KANK4: variants seen among roughly 807,000 people sequenced by gnomAD.
KANK4 encodes the protein KN motif and ankyrin repeat domain-containing protein 4.
Under a neutral mutation model 80.8 loss-of-function variants are expected in KANK4, and 50 were observed. The observed-to-expected ratio is 0.62, with a 90% CI of 0.49 to 0.78. KANK4 has a LOEUF of 0.78. KANK4 is among the 30% of genes least tolerant of loss of function. The pLI is 0.00. For synonymous variants in KANK4, 465 were observed against 506.9 expected (o/e 0.92, Z 1.11); for missense variants, 1,196 against 1,240.1 (o/e 0.96, Z 0.53).
intron 9 of KANK4, among the ~76,000 whole-genome samples, chr1:62,241,338 G>T (rs1015387225): frequency 1.3e-5 from 2 of 152,162 alleles, no homozygotes; most frequent in Non-Finnish European, 2.9e-5. Flanking sequence ...AGATGGCTCG[G>T]GGGGAGGCAG....
chr1:62,300,108 C>T (rs909094906), intron 1 of KANK4, among the ~76,000 whole-genome samples: 2 of 152,090 alleles, frequency 1.3e-5, no homozygotes, highest in African/African-American at 4.8e-5. Flanking sequence ...TGCTGAAAGT[C>T]CCCCTCCAGG....
chr1:62,268,217 G>C (rs1158393598), intron 5 of KANK4, 70 bp downstream of exon 5: 2 of 1,204,792 alleles, frequency 1.7e-6, no homozygotes, highest in East Asian at 2.4e-5. Context: ...ATGATCGCAT[G>C]AACGGGTAGA....
At chr1:62,255,043 G>T (rs1021795055) in intron 7 of KANK4, among the ~76,000 whole-genome samples, 3 of 149,462 alleles carry the variant, frequency 2.0e-5, no homozygotes, top group African/African-American at 7.4e-5. Context: ...ACGCCACCAT[G>T]CCCGGCTAAT....
In KANK4 at chr1:62,275,258, A is replaced by G. The variant is rs2666508; in HGVS notation, c.17-171T>C. ...TGCTCAGTCTTTTTGGCTGTATTGG[A>G]AAATCATCTTATTAAATCAATGTGT... On this transcript the variant is annotated intron_variant, in intron 2 of 9. Coordinates refer to ENST00000371153, the MANE Select transcript of KANK4 (RefSeq NM_181712.5). Among the ~76,000 whole-genome samples, 115,142 of 152,164 alleles carry G rather than the reference A, an allele frequency of 0.76. 44,083 individuals are homozygous for G. The highest frequency in any genetic ancestry group is 0.86 in the African/African-American group (35,746 of 41,534).
intron 1 of KANK4, among the ~76,000 whole-genome samples, chr1:62,304,324 G>A (rs979461555): frequency 6.6e-6 from 1 of 151,992 alleles, no homozygotes; most frequent in Non-Finnish European, 1.5e-5. Flanking sequence ...GGAGTGCCAG[G>A]GAGCTGTGAC....
intron 9 of KANK4, among the ~76,000 whole-genome samples, chr1:62,245,071 C>A (rs999840588): frequency 1.3e-5 from 2 of 152,230 alleles, no homozygotes; most frequent in Admixed American, 6.5e-5. Flanking sequence ...GCCTGTCCCA[C>A]GGGCCTCCCA....
chr1:62,276,368 A>G (rs1477062786), intron 2 of KANK4, among the ~76,000 whole-genome samples: 1 of 152,208 alleles, frequency 6.6e-6, no homozygotes, highest in African/African-American at 2.4e-5. Context: ...AGAGGTTCAG[A>G]ATACAGATTC....
intron 2 of KANK4, 22 bp downstream of exon 2, chr1:62,281,527 C>T (rs1172957672): frequency 7.4e-6 from 12 of 1,613,992 alleles, no homozygotes; most frequent in Non-Finnish European, 1.0e-5. Flanking sequence ...TTAAACCAGG[C>T]CCTACAAAGC....
intron 1 of KANK4, among the ~76,000 whole-genome samples, chr1:62,295,975 C>T (rs2765268): frequency 0.72 from 109,243 of 152,124 alleles, 40,660 homozygotes; most frequent in African/African-American, 0.91. Context: ...AGTCCTTTAC[C>T]CATCCTTACT....
At position 62,268,490 on chromosome 1, in the gene KANK4, T is replaced by G; in HGVS notation, c.2028A>C (p.Ser676=). Residue 676 remains serine (S), a synonymous_variant, in exon 5 of 10, where the codon TCA becomes TCC. Transcript: ENST00000371153. The stretch of plus-strand genomic sequence containing the variant: ...TGTCCTCACCGCTGGTCTCCTCACT[T>G]GAGGTGGTCTCATACCTGGGGTAGA... The part of the protein sequence containing the change: ...VGVNGGYETT[S]SEETSGEDST... 2 of 1,613,624 alleles carry G rather than the reference T, an allele frequency of 1.2e-6. No individual in the cohort carries two copies. The highest frequency in any genetic ancestry group is 1.7e-6 in the Non-Finnish European group (2 of 1,179,928).
Position 62,253,162 on chromosome 1 carries a change from T to C in KANK4, c.2587A>G (p.Met863Val), listed in dbSNP as rs755326990. 7 of 1,613,314 alleles carry C rather than the reference T, an allele frequency of 4.3e-6. No homozygotes were observed. Among genetic ancestry groups the C allele is most frequent in the Admixed American group, 3.3e-5 (2 of 59,946 alleles). ...TCTGCGGAAGCCAAGGGAGTGATCA[T>C]TACGGCAGTGTAGCCAGCTTTGTTC... The part of the protein sequence containing the change: ...HQNKAGYTAV[M>V]ITPLASAETN... The change falls in exon 8 of 10, where the codon ATG (methionine) becomes GTG (valine). Residue 863 changes from methionine to valine, a missense_variant. Transcript: ENST00000371153.
At chr1:62,253,320 A>C in intron 7 of KANK4, 111 bp from the exon 8 acceptor site, 1 of 948,880 alleles carries the variant, frequency 1.1e-6, no homozygotes, top group Non-Finnish European at 1.5e-6. Context: ...CATGGACTAG[A>C]GCAATGCTTT....
intron 2 of KANK4, among the ~76,000 whole-genome samples, chr1:62,280,038 G>T (rs889170105): frequency 1.3e-5 from 2 of 152,178 alleles, no homozygotes; most frequent in Admixed American, 6.5e-5. Flanking sequence ...TATCTGAAGG[G>T]ACAAGTGAAG....
intron 2 of KANK4, among the ~76,000 whole-genome samples, chr1:62,280,661 G>T (rs925705394): frequency 6.6e-6 from 1 of 152,152 alleles, no homozygotes; most frequent in Non-Finnish European, 1.5e-5. Context: ...GTGGCCTTCT[G>T]CAAGTTTCCT....
At chr1:62,264,135 C>T (rs749083938) in intron 6 of KANK4, among the ~76,000 whole-genome samples, 5 of 152,180 alleles carry the variant, frequency 3.3e-5, no homozygotes, top group Non-Finnish European at 5.9e-5. Context: ...ATCCCTGGCT[C>T]GGCCGGGCGC....
At chr1:62,263,657 C>T (rs191802451) in intron 6 of KANK4, among the ~76,000 whole-genome samples, 1 of 152,026 alleles carries the variant, frequency 6.6e-6, no homozygotes, top group Non-Finnish European at 1.5e-5. Flanking sequence ...TTACAAAGGC[C>T]CTCTCCTTCC....
intron 8 of KANK4, among the ~76,000 whole-genome samples, chr1:62,249,186 A>G (rs1671547832): frequency 6.8e-6 from 1 of 148,080 alleles, no homozygotes; most frequent in Admixed American, 6.8e-5. Context: ...TTAATATAAC[A>G]ATGATTTGTC....
At chr1:62,262,522 A>G (rs1181665162) in intron 7 of KANK4, among the ~76,000 whole-genome samples, 1 of 152,220 alleles carries the variant, frequency 6.6e-6, no homozygotes, top group African/African-American at 2.4e-5. Context: ...AAGACATGGA[A>G]TCAACCTAAA....
chr1:62,266,819 T>C lies in KANK4; in HGVS notation c.2232A>G (p.Arg744=). Residue 744 remains arginine (R), a splice_region_variant and synonymous_variant, in exon 6 of 10, where the codon AGA becomes AGG. Coordinates refer to ENST00000371153, the MANE Select transcript of KANK4 (RefSeq NM_181712.5). The part of the protein sequence containing the change: ...GEEVPHSKAE[R]YKPSEEFLNA... ...TAAGAAATTCTTCTGAGGGTTTATA[T>C]CTAAATAAAACAAACATATATACAC... is the stretch of plus-strand genomic sequence containing the variant. The C allele has an allele frequency of 6.3e-7, 1 of 1,593,174 alleles. No homozygotes were observed. Among genetic ancestry groups the C allele is most frequent in the Non-Finnish European group, 8.6e-7 (1 of 1,161,804 alleles).
Sources: gnomAD v4.1 joint callset for allele counts (sites outside exome capture counted in the v4.1 genomes callset) on GRCh38, gnomAD v4.1.1 for gene constraint, MANE v1.5 for transcripts, NCBI Gene and HGNC (gene_info 2026-07-23, HGNC 2026-07-21) for gene names.